The following SOX5 variants were observed in gnomAD, a reference collection of about 807,000 sequenced individuals.
The protein encoded by SOX5 is transcription factor SOX-5.
In SOX5, 9 loss-of-function variants were observed where a neutral mutation model predicts 92.0. The observed-to-expected ratio is 0.10, with a 90% CI of 0.06 to 0.17. The LOEUF (loss-of-function observed/expected upper bound fraction) is 0.17. Among genes scored for constraint, SOX5 ranks in the 10% least tolerant of loss-of-function variants. SOX5 has a pLI of 1.00. For missense variants in SOX5, 642 were observed against 944.5 expected, an observed-to-expected ratio of 0.68 and a Z score of 4.20; for synonymous variants, 344 against 336.3, an observed-to-expected ratio of 1.02 and a Z score of -0.25.
intron 2 of SOX5, among the ~76,000 whole-genome samples, chr12:24,344,518 C>T (rs1461760814): frequency 1.3e-5 from 2 of 152,082 alleles, no homozygotes; most frequent in Non-Finnish European, 2.9e-5. Context: ...GCCACTGTCA[C>T]ACCTTGAAAC....
chr12:23,949,398 G>T (rs1331226641), intron 1 of SOX5, among the ~76,000 whole-genome samples, 166 bp downstream of exon 1: 3 of 152,106 alleles, frequency 2.0e-5, no homozygotes, highest in African/African-American at 7.2e-5. Context: ...AGTTCAGTTT[G>T]GTCCGGGCAA....
At chr12:24,510,399 C>A (rs1949196856) in intron 1 of SOX5, among the ~76,000 whole-genome samples, 1 of 152,216 alleles carries the variant, frequency 6.6e-6, no homozygotes, top group South Asian at 2.1e-4. Context: ...ATAACACAAT[C>A]AACTGGTTCC....
Position 23,694,811 on chromosome 12 carries a change from T to C in SOX5, c.811-29247A>G, listed in dbSNP as rs1389534267. 2.0e-5 allele frequency among the ~76,000 whole-genome samples: 3 copies of C among 152,178 alleles called. No homozygotes were observed. In the East Asian group the frequency reaches 5.8e-4, roughly 29 times the overall value. ...ATTTTTTCTCTGGCTTATTTCACTT[T>C]GTATAATGCTTTTGAGATGCACTCA... On this transcript the variant is annotated intron_variant, in intron 6 of 14. Transcript: ENST00000451604.
At chr12:23,794,822 T>C (rs2095535200) in intron 3 of SOX5, among the ~76,000 whole-genome samples, 1 of 152,158 alleles carries the variant, frequency 6.6e-6, no homozygotes, top group African/African-American at 2.4e-5. Flanking sequence ...TTTATAGTAC[T>C]GGCATTAAAA....
At chr12:24,433,546 T>C (rs2137078688) in intron 1 of SOX5, among the ~76,000 whole-genome samples, 1 of 152,320 alleles carries the variant, frequency 6.6e-6, no homozygotes, top group Admixed American at 6.5e-5. Context: ...TGCTTTGATG[T>C]TGTAAATGTA....
chr12:23,600,052 A>G (rs1253216237), intron 9 of SOX5, among the ~76,000 whole-genome samples: 1 of 152,212 alleles, frequency 6.6e-6, no homozygotes, highest in Admixed American at 6.5e-5. Context: ...GCAAATAATT[A>G]AAACATTTGT....
intron 4 of SOX5, among the ~76,000 whole-genome samples, chr12:24,009,607 T>C (rs1167426845): frequency 6.6e-6 from 1 of 152,076 alleles, no homozygotes; most frequent in East Asian, 1.9e-4. Context: ...GTTTATCAAA[T>C]TACAAGAAGA....
chr12:24,413,741 C>T (rs1168297812), intron 1 of SOX5, among the ~76,000 whole-genome samples: 1 of 152,198 alleles, frequency 6.6e-6, no homozygotes, highest in Non-Finnish European at 1.5e-5. Flanking sequence ...TTATTGCAGA[C>T]ACTAGCCCAC....
chr12:23,615,659 G>C (rs1005900176), intron 8 of SOX5, among the ~76,000 whole-genome samples: 1 of 145,604 alleles, frequency 6.9e-6, no homozygotes, highest in Non-Finnish European at 1.5e-5. Flanking sequence ...TTCCATTTAT[G>C]TTCCTGCAAA....
intron 2 of SOX5, among the ~76,000 whole-genome samples, chr12:24,319,897 C>T (rs1042668318): frequency 1.3e-5 from 2 of 152,212 alleles, no homozygotes; most frequent in Admixed American, 1.3e-4. Context: ...TGATGGCTTC[C>T]ATGATCAGCC....
At chr12:24,051,745 A>G (rs1957580640) in intron 4 of SOX5, among the ~76,000 whole-genome samples, 1 of 152,202 alleles carries the variant, frequency 6.6e-6, no homozygotes, top group South Asian at 2.1e-4. Flanking sequence ...GTAGTAAAAT[A>G]GCCAAATTCT....
At chr12:24,174,513 G>T (rs951444549) in intron 4 of SOX5, among the ~76,000 whole-genome samples, 68 of 3,298 alleles carry the variant, frequency 0.021, no homozygotes, top group Non-Finnish European at 0.035. Context: ...AGAATGAGTG[G>T]GGGGGGGAAC....
At chr12:24,241,859 A>G (rs903200176) in intron 3 of SOX5, among the ~76,000 whole-genome samples, 13 of 152,202 alleles carry the variant, frequency 8.5e-5, no homozygotes, top group African/African-American at 3.1e-4. Context: ...AGCCACTTAA[A>G]TTTGTGACTG....
chr12:24,524,976 A>G (rs1432264412), intron 1 of SOX5, among the ~76,000 whole-genome samples: 2 of 152,214 alleles, frequency 1.3e-5, no homozygotes, highest in Admixed American at 6.5e-5. Context: ...ACAAACACAA[A>G]AAAAGTACAG....
chr12:24,370,041 G>T (rs990534429), intron 1 of SOX5, among the ~76,000 whole-genome samples: 4 of 152,136 alleles, frequency 2.6e-5, no homozygotes, highest in Admixed American at 2.6e-4. Context: ...AAATTGTTTT[G>T]GGGTTTTTGT....
At chr12:24,046,672 C>CTTTT (rs61416662) in intron 4 of SOX5, among the ~76,000 whole-genome samples, 39 of 126,756 alleles carry the variant, frequency 3.1e-4, no homozygotes, top group African/African-American at 7.8e-4. Flanking sequence ...TAAAATGTGT[C>CTTTT]TTTTTTTTTT....
At chr12:23,974,825 G>A (rs1948734720) in intron 4 of SOX5, among the ~76,000 whole-genome samples, 1 of 152,012 alleles carries the variant, frequency 6.6e-6, no homozygotes, top group Non-Finnish European at 1.5e-5. Context: ...AAAAAGTGGG[G>A]AGAATTAGAA....
At position 23,575,786 on chromosome 12, in the gene SOX5, C is replaced by T; in HGVS notation, c.1217G>A (p.Gly406Asp). 1 of 1,609,042 alleles carries T rather than the reference C, an allele frequency of 6.2e-7. No homozygotes were observed. The highest frequency in any genetic ancestry group is 1.7e-5 in the Admixed American group (1 of 59,316). The change falls in exon 10 of 15, where the codon GGC (glycine) becomes GAC (aspartate). Residue 406 changes from glycine (G) to aspartate (D), a missense_variant. By Grantham distance (94) the Gly-to-Asp change is moderately conservative (BLOSUM62 -1). Coordinates refer to ENST00000451604, the MANE Select transcript of SOX5 (RefSeq NM_006940.6). ...NLSAKPKTSD[G>D]KSPTSPTSPH... is the part of the protein sequence containing the mutation. ...AGAGGTGGGTGATGTGGGTGATTTG[C>T]CATCAGAGGTCTTGGGTTTAGCTGA...
intron 1 of SOX5, among the ~76,000 whole-genome samples, chr12:24,466,243 CTTTCTTTTTTTTTTT>C (rs1017180911): frequency 2.1e-4 from 32 of 151,566 alleles, no homozygotes; most frequent in African/African-American, 9.7e-5. Context: ...TTCTTCTTTT[CTTTCTTTTTTTTTTT>C]AAGAGACAGA....
Sources: gnomAD v4.1 joint callset for allele counts (sites outside exome capture counted in the v4.1 genomes callset) on GRCh38, gnomAD v4.1.1 for gene constraint, MANE v1.5 for transcripts, NCBI Gene and HGNC (gene_info 2026-07-23, HGNC 2026-07-21) for gene names.